CCDC93: variants seen among roughly 807,000 people sequenced by gnomAD.
The protein encoded by CCDC93 is CCC complex scaffolding subunit CCDC93, also known as coiled-coil domain-containing protein 93.
Under a neutral mutation model 108.2 loss-of-function variants are expected in CCDC93, and 61 were observed. That is an observed-to-expected ratio of 0.56 (90% confidence interval 0.46 to 0.70). The LOEUF is 0.70. Ranked by LOEUF, CCDC93 falls within the 30% of genes least tolerant of loss-of-function variation. The pLI is 0.00. For missense variants in CCDC93, 685 were observed against 764.2 expected, an observed-to-expected ratio of 0.90 and a Z score of 1.22; for synonymous variants, 276 against 260.4, an observed-to-expected ratio of 1.06 and a Z score of -0.58.
intron 6 of CCDC93, among the ~76,000 whole-genome samples, chr2:117,990,860 A>G (rs1183623041): frequency 6.6e-6 from 1 of 152,132 alleles, no homozygotes; most frequent in Non-Finnish European, 1.5e-5. Flanking sequence ...ACTGATATTC[A>G]CAACTCTTTA....
chr2:117,973,937 T>G lies in CCDC93; in HGVS notation c.859A>C (p.Lys287Gln). Residue 287 changes from lysine (K) to glutamine (Q), a missense_variant, in exon 11 of 24, where the codon AAG becomes CAG. Physicochemically the swap from Lys to Gln is moderately conservative, Grantham distance 53. Coordinates refer to ENST00000376300, the MANE Select transcript of CCDC93 (RefSeq NM_019044.5). Reference protein sequence around the residue: ...QIVGLCSAEIKQIVSEYAEKQ... With the variant: ...QIVGLCSAEIQQIVSEYAEKQ... ...TCTGCATACTCGGACACAATCTGCT[T>G]GATCTCAGCAGAGCAGAGTCCCACA... The G allele has an allele frequency of 6.2e-7, 1 of 1,612,356 alleles. No individual in the cohort carries two copies. The highest frequency in any genetic ancestry group is 8.5e-7 in the Non-Finnish European group (1 of 1,179,290).
At chr2:117,946,323 A>G (rs1395290158) in intron 16 of CCDC93, among the ~76,000 whole-genome samples, 1 of 152,232 alleles carries the variant, frequency 6.6e-6, no homozygotes, top group Non-Finnish European at 1.5e-5. Flanking sequence ...TGTTCAGAGA[A>G]CCAGCTGTCC....
At chr2:117,928,400 C>A (rs1678199589) in intron 23 of CCDC93, among the ~76,000 whole-genome samples, 2 of 151,346 alleles carry the variant, frequency 1.3e-5, no homozygotes, top group South Asian at 4.2e-4. Flanking sequence ...ACAATGAACT[C>A]AAAACAAATT....
intron 16 of CCDC93, among the ~76,000 whole-genome samples, chr2:117,946,210 G>A (rs1480554350): frequency 6.6e-6 from 1 of 152,162 alleles, no homozygotes; most frequent in Non-Finnish European, 1.5e-5. Context: ...TCTGGCGTGG[G>A]GTGGCTGGAC....
intron 3 of CCDC93, among the ~76,000 whole-genome samples, chr2:118,004,462 C>T (rs1299356004): frequency 6.6e-6 from 1 of 152,178 alleles, no homozygotes; most frequent in Non-Finnish European, 1.5e-5. Context: ...ACAACCATGC[C>T]GTCAATAGGC....
chr2:118,002,332 T>C (rs1676726222), intron 3 of CCDC93, among the ~76,000 whole-genome samples: 1 of 152,208 alleles, frequency 6.6e-6, no homozygotes, highest in South Asian at 2.1e-4. Context: ...GTGAGAGTTA[T>C]TACTGTCTTA....
chr2:117,993,492 T>A (rs1680551126), intron 6 of CCDC93, among the ~76,000 whole-genome samples: 1 of 149,116 alleles, frequency 6.7e-6, no homozygotes, highest in East Asian at 2.0e-4. Flanking sequence ...GAATAGGTAA[T>A]GCACAGACTT....
intron 11 of CCDC93, among the ~76,000 whole-genome samples, chr2:117,965,749 C>A (rs1337646719): frequency 6.6e-6 from 1 of 152,070 alleles, no homozygotes; most frequent in South Asian, 2.1e-4. Flanking sequence ...TCACGCGTAA[C>A]GCAATCCCTG....
intron 7 of CCDC93, among the ~76,000 whole-genome samples, chr2:117,982,765 G>T (rs1270625416): frequency 7.7e-6 from 1 of 129,092 alleles, no homozygotes; most frequent in Admixed American, 8.1e-5. Context: ...TGGGGGGGGG[G>T]GTGCGTGAGG....
intron 12 of CCDC93, among the ~76,000 whole-genome samples, chr2:117,957,978 T>A (rs556831676): frequency 6.6e-6 from 1 of 152,214 alleles, no homozygotes; most frequent in Admixed American, 6.5e-5. Context: ...TTGTTCTTCA[T>A]TCATCCCAAT....
At chr2:118,004,560 A>G (rs1256544767) in intron 3 of CCDC93, among the ~76,000 whole-genome samples, 1 of 152,258 alleles carries the variant, frequency 6.6e-6, no homozygotes, top group African/African-American at 2.4e-5. Flanking sequence ...GTTTTAGTCT[A>G]AACTGCACCT....
intron 23 of CCDC93, among the ~76,000 whole-genome samples, chr2:117,925,183 A>C (rs1678033905): frequency 2.6e-5 from 4 of 152,228 alleles, no homozygotes; most frequent in Admixed American, 1.3e-4. Flanking sequence ...AATTGTAAAG[A>C]CCATTGAGGC....
chr2:118,008,728 G>C, intron 1 of CCDC93, 70 bp from the exon 2 acceptor site: 1 of 906,558 alleles, frequency 1.1e-6, no homozygotes, highest in South Asian at 1.4e-5. Context: ...TATATCCCCT[G>C]ATGCCACAAG....
At chr2:117,978,637 A>G (rs576195947) in intron 7 of CCDC93, among the ~76,000 whole-genome samples, 1 of 152,340 alleles carries the variant, frequency 6.6e-6, no homozygotes, top group South Asian at 2.1e-4. Flanking sequence ...AAAAAGCAAA[A>G]TGCAAACCAC....
intron 11 of CCDC93, among the ~76,000 whole-genome samples, chr2:117,972,520 C>T (rs977837523): frequency 7.2e-5 from 11 of 152,076 alleles, no homozygotes; most frequent in African/African-American, 2.4e-4. Flanking sequence ...CCACAGGGGG[C>T]TCTGCCTGCC....
At chr2:118,002,366 C>T (rs974290536) in intron 3 of CCDC93, among the ~76,000 whole-genome samples, 1 of 152,178 alleles carries the variant, frequency 6.6e-6, no homozygotes, top group Non-Finnish European at 1.5e-5. Flanking sequence ...TAGTAGGTTT[C>T]ACCCCTCAGT....
chr2:117,949,457 C>T (rs753036676), intron 13 of CCDC93, 62 bp from the exon 14 acceptor site: 19 of 1,200,526 alleles, frequency 1.6e-5, no homozygotes, highest in Non-Finnish European at 2.1e-5. Context: ...ACAACTTCAC[C>T]TTCTTTTTGT....
chr2:117,928,765 T>A (rs984924929), intron 23 of CCDC93, among the ~76,000 whole-genome samples: 1 of 152,206 alleles, frequency 6.6e-6, no homozygotes, highest in Admixed American at 6.5e-5. Flanking sequence ...ACTGGGTACA[T>A]ACCCAAAGGA....
At chr2:117,980,341 A>G (rs1348985408) in intron 7 of CCDC93, among the ~76,000 whole-genome samples, 3 of 152,214 alleles carry the variant, frequency 2.0e-5, no homozygotes, top group African/African-American at 4.8e-5. Flanking sequence ...GTGTCCTTGC[A>G]TCTTGAGTAT....
Sources: allele counts gnomAD v4.1 joint callset (sites outside exome capture counted in the v4.1 genomes callset), GRCh38; gene constraint gnomAD v4.1.1; transcripts MANE v1.5; gene names NCBI Gene and HGNC (gene_info 2026-07-23, HGNC 2026-07-21).